The following OOEP variants were observed in gnomAD, a reference collection of about 807,000 sequenced individuals.
OOEP encodes oocyte expressed protein, also known as oocyte-expressed protein homolog.
OOEP carries 16 observed loss-of-function variants against 13.7 expected under a neutral mutation model. The observed-to-expected ratio is 1.16, with a 90% CI of 0.79 to 1.77. The LOEUF is 1.77. OOEP is among the 40% of genes most tolerant of loss of function. The pLI is 0.00. For missense variants in OOEP, 195 were observed against 193.1 expected, an observed-to-expected ratio of 1.01 and a Z score of -0.06; for synonymous variants, 89 against 77.1, an observed-to-expected ratio of 1.15 and a Z score of -0.81.
chr6:73,378,316 G>A (rs551223999), intron 2 of OOEP, among the ~76,000 whole-genome samples: 1 of 151,748 alleles, frequency 6.6e-6, no homozygotes, highest in East Asian at 2.0e-4. Context: ...TGTTGGCCAG[G>A]CTGGTCTTGA....
At chr6:73,385,205 G>A (rs1364427366) in intron 2 of OOEP, among the ~76,000 whole-genome samples, 1 of 151,828 alleles carries the variant, frequency 6.6e-6, no homozygotes. Flanking sequence ...AAATTAGCCG[G>A]GTGTGGTGGC....
intron 2 of OOEP, among the ~76,000 whole-genome samples, chr6:73,390,787 G>A (rs1288556980): frequency 6.7e-6 from 1 of 150,098 alleles, no homozygotes; most frequent in African/African-American, 2.5e-5. Context: ...TTTTAGTAGA[G>A]AGGGGGGTAT....
At chr6:73,372,363 G>A (rs1011090637), upstream of OOEP, among the ~76,000 whole-genome samples, 1 of 152,110 alleles carries the variant, frequency 6.6e-6, no homozygotes, top group Admixed American at 6.5e-5. Context: ...ACACCGTGAA[G>A]CAGTTAGTCT....
intron 2 of OOEP, among the ~76,000 whole-genome samples, chr6:73,380,195 G>A (rs1051591905): frequency 4.0e-5 from 6 of 150,294 alleles, no homozygotes; most frequent in African/African-American, 1.5e-4. Flanking sequence ...TCAGAAAAAT[G>A]TAATAATTGG....
intron 2 of OOEP, chr6:73,387,768 TTAA>T (rs1769294657): frequency 6.6e-6 from 1 of 152,046 alleles, no homozygotes; most frequent in Non-Finnish European, 1.5e-5. Flanking sequence ...ATTTTTTGTA[TTAA>T]TGTTTATATA....
At chr6:73,394,764 A>G (rs1459161223) in exon 1 of OOEP, 6 of 1,209,588 alleles carry the variant, frequency 5.0e-6, no homozygotes, top group Admixed American at 5.4e-5. Context: ...CGGGATAGAG[A>G]GCGTGGGCGG....
chr6:73,394,772 CG>C lies in OOEP; in HGVS notation c.-173del, dbSNP rs3832419. The C allele has an allele frequency of 7.8e-6, 10 of 1,285,752 alleles. No individual in the cohort carries two copies. The East Asian group carries it at 9.5e-5, about 12-fold the overall frequency. 79.6% of individuals were successfully genotyped at this position (1,285,752 alleles called of 1,614,324 possible). On this transcript the variant is annotated 5_prime_UTR_variant, in exon 1 of 4. Coordinates refer to the OOEP transcript ENST00000370363. ...AAGTGGGCGGGATAGAGAGCGTGGG[CG>C]GGGGGGCTAGCCTCGTGCGGGCTCC...
rs370581210 is a variant in OOEP at position 73,369,685 on chromosome 6, G to A, written c.108C>T (p.Ile36=). 1.2e-6 allele frequency: 2 copies of A among 1,613,928 alleles called. No homozygotes were observed. Among genetic ancestry groups the A allele is most frequent in the African/African-American group, 2.7e-5 (2 of 74,942 alleles). Residue 36 remains isoleucine, a synonymous_variant, in exon 1 of 3, where the codon ATC becomes ATT. Coordinates refer to ENST00000370359, the MANE Select transcript of OOEP (RefSeq NM_001080507.3). ...CCTGCACCGGAAACCACCAGGGCCGGATGCGAATCTGTGGCGGCGGAAGTG... is the reference window on the plus strand; with the variant it reads ...CCTGCACCGGAAACCACCAGGGCCGAATGCGAATCTGTGGCGGCGGAAGTG... The part of the protein sequence containing the change: ...RLPLPPPQIR[I]RPWWFPVQEL...
intron 2 of OOEP, among the ~76,000 whole-genome samples, chr6:73,386,749 T>G (rs976091476): frequency 2.0e-5 from 3 of 151,832 alleles, no homozygotes; most frequent in Admixed American, 2.0e-4. Flanking sequence ...GTGGATCACC[T>G]GAGGTCATGA....
chr6:73,380,729 G>A (rs1349462869), intron 2 of OOEP, among the ~76,000 whole-genome samples: 1 of 152,020 alleles, frequency 6.6e-6, no homozygotes, highest in Non-Finnish European at 1.5e-5. Context: ...TTTTAAAGAG[G>A]ACTTTAGAGA....
chr6:73,394,797 CCTT>C, exon 1 of OOEP: 1 of 1,506,430 alleles, frequency 6.6e-7, no homozygotes, highest in Non-Finnish European at 8.9e-7. Context: ...CGTGCGGGCT[CCTT>C]AAGTAGCGGC....
rs537074507 is a variant in OOEP at position 73,384,001 on chromosome 6, C to G, written c.25+10345G>C. On this transcript the variant is annotated intron_variant, in intron 2 of 3. Transcript: ENST00000370363. ...ATCCCAGCTACTTCAGAGGCTGAGG[C>G]AGGAGGATCACTTGAGCCAAGGAGG... is the stretch of plus-strand genomic sequence containing the variant. 2.3e-4 allele frequency among the ~76,000 whole-genome samples: 35 copies of G among 152,268 alleles called. No homozygotes were observed. In the South Asian group the frequency reaches 7.2e-3, roughly 32 times the overall value.
chr6:73,373,293 G>A (rs1190282367), upstream of OOEP: 2 of 1,571,510 alleles, frequency 1.3e-6, no homozygotes, highest in East Asian at 2.2e-5. Flanking sequence ...AACACACCAC[G>A]ATGGCGGAGA....
Position 73,368,692 on chromosome 6 carries a change from T to A in OOEP, c.*92A>T. ...TCCATCAAGACACAGGAAAAAGGAA[T>A]ACGGGGATTTAAGAATGCTATACTT... On this transcript the variant is annotated 3_prime_UTR_variant, in exon 3 of 3. Transcript: ENST00000370359. 1.2e-6 allele frequency: 1 copy of A among 807,012 alleles called. No individual in the cohort carries two copies. The highest frequency in any genetic ancestry group is 2.1e-6 in the Non-Finnish European group (1 of 469,070). The allele number at this position is 807,012 out of a possible 1,614,324, so 50.0% of individuals were successfully genotyped here. A position where few individuals can be genotyped will look rare whatever the true frequency, so the allele number is the denominator to read the frequency against.
chr6:73,368,778 G>A lies in OOEP; in HGVS notation c.*6C>T. On this transcript the variant is annotated 3_prime_UTR_variant, in exon 3 of 3. Coordinates refer to ENST00000370359, the MANE Select transcript of OOEP (RefSeq NM_001080507.3). ...TTAAGATGTTCCCAACAGTAACTAT[G>A]TTGTCTTAAGCAACAGGATCCTGGG... is the stretch of plus-strand genomic sequence containing the variant. The A allele has an allele frequency of 6.3e-7, 1 of 1,593,090 alleles. No homozygotes were observed. Among genetic ancestry groups the A allele is most frequent in the Non-Finnish European group, 8.6e-7 (1 of 1,160,872 alleles).
chr6:73,385,264 G>A (rs1195661861), intron 2 of OOEP, among the ~76,000 whole-genome samples: 8 of 151,752 alleles, frequency 5.3e-5, no homozygotes, highest in South Asian at 2.1e-4. Context: ...GGAAAATGGC[G>A]TGAACCCGGG....
At chr6:73,370,371 A>C (rs563961132), upstream of OOEP, among the ~76,000 whole-genome samples, 2 of 152,364 alleles carry the variant, frequency 1.3e-5, no homozygotes, top group East Asian at 3.9e-4. Context: ...AGGTGGTCTT[A>C]TAGAACATGT....
At chr6:73,380,237 TC>T (rs1212590922) in intron 2 of OOEP, among the ~76,000 whole-genome samples, 1 of 150,864 alleles carries the variant, frequency 6.6e-6, no homozygotes, top group Non-Finnish European at 1.5e-5. Flanking sequence ...ATACAAGTTT[TC>T]CAAAATTCTT....
At chr6:73,381,697 C>T (rs1016081456) in intron 2 of OOEP, among the ~76,000 whole-genome samples, 1 of 152,072 alleles carries the variant, frequency 6.6e-6, no homozygotes, top group African/African-American at 2.4e-5. Context: ...TATAAAAAAC[C>T]AGGCTGGGCG....
Sources: allele counts gnomAD v4.1 joint callset (sites outside exome capture counted in the v4.1 genomes callset), GRCh38; gene constraint gnomAD v4.1.1; transcripts MANE v1.5; gene names NCBI Gene and HGNC (gene_info 2026-07-23, HGNC 2026-07-21).